AGBL4: variants seen among roughly 807,000 people sequenced by gnomAD.
The protein encoded by AGBL4 is AGBL carboxypeptidase 4, also known as cytosolic carboxypeptidase 6.
AGBL4 carries 58 observed loss-of-function variants against 66.4 expected under a neutral mutation model. That is an observed-to-expected ratio of 0.87 (90% CI 0.71 to 1.09). The LOEUF (loss-of-function observed/expected upper bound fraction) is 1.09. Ranked by LOEUF, AGBL4 falls within the 50% of genes least tolerant of loss-of-function variation. AGBL4 has a pLI of 0.00. For synonymous variants in AGBL4, 234 were observed against 222.9 expected, an observed-to-expected ratio of 1.05 and a Z score of -0.44; for missense variants, 579 against 631.0, an observed-to-expected ratio of 0.92 and a Z score of 0.88.
intron 5 of AGBL4, among the ~76,000 whole-genome samples, chr1:48,926,109 T>C (rs1654536229): frequency 6.6e-6 from 1 of 152,180 alleles, no homozygotes; most frequent in African/African-American, 2.4e-5. Flanking sequence ...AGGGAGGTTT[T>C]AATCCTGTCA....
intron 2 of AGBL4, chr1:49,845,715 G>A (rs2148050329): frequency 6.3e-7 from 1 of 1,592,992 alleles, no homozygotes; most frequent in African/African-American, 1.3e-5. Flanking sequence ...TCCTGACTGA[G>A]CATCAGAGGA....
intron 9 of AGBL4, among the ~76,000 whole-genome samples, chr1:48,603,805 TA>T (rs1645111903): frequency 6.6e-6 from 1 of 152,032 alleles, no homozygotes; most frequent in African/African-American, 2.4e-5. Flanking sequence ...GGTCCTCAAT[TA>T]AAGCAAGGGC....
At chr1:49,276,108 A>G (rs192608997) in intron 3 of AGBL4, among the ~76,000 whole-genome samples, 1 of 151,616 alleles carries the variant, frequency 6.6e-6, no homozygotes, top group East Asian at 1.9e-4. Flanking sequence ...TACATTATAT[A>G]TATACATATA....
chr1:49,548,969 A>G (rs748241555), intron 3 of AGBL4, among the ~76,000 whole-genome samples: 1 of 152,148 alleles, frequency 6.6e-6, no homozygotes, highest in Non-Finnish European at 1.5e-5. Flanking sequence ...TGGTCTGTTC[A>G]TGGTATCTCA....
chr1:49,192,630 G>T (rs992156520), intron 4 of AGBL4, among the ~76,000 whole-genome samples: 1 of 152,192 alleles, frequency 6.6e-6, no homozygotes, highest in African/African-American at 2.4e-5. Context: ...ATGTTGGCTT[G>T]TATGTCTTCT....
chr1:48,704,269 G>A (rs1011907859), intron 6 of AGBL4, among the ~76,000 whole-genome samples: 10 of 152,244 alleles, frequency 6.6e-5, no homozygotes, highest in African/African-American at 2.2e-4. Context: ...AGAGCTTGAA[G>A]AACTGGCGGT....
intron 2 of AGBL4, among the ~76,000 whole-genome samples, chr1:49,849,310 G>A (rs1214274996): frequency 1.3e-5 from 2 of 151,716 alleles, no homozygotes; most frequent in Non-Finnish European, 2.9e-5. Context: ...AGGCCCTCCA[G>A]GGTCATTGAC....
intron 3 of AGBL4, among the ~76,000 whole-genome samples, chr1:49,647,081 GA>G (rs1645904693): frequency 6.6e-6 from 1 of 151,602 alleles, no homozygotes. Context: ...AAAGACTTTA[GA>G]AAACACAGAA....
At chr1:49,918,860 C>G (rs940152328) in intron 1 of AGBL4, among the ~76,000 whole-genome samples, 1 of 152,178 alleles carries the variant, frequency 6.6e-6, no homozygotes, top group Admixed American at 6.5e-5. Flanking sequence ...CCAAATCCAG[C>G]AGCACCTCAA....
chr1:49,873,350 T>C (rs1209184844), intron 1 of AGBL4, among the ~76,000 whole-genome samples: 1 of 151,952 alleles, frequency 6.6e-6, no homozygotes, highest in African/African-American at 2.4e-5. Context: ...CAGAGACTCA[T>C]TTTCTTCCAA....
chr1:49,065,705 A>G (rs1644481011), intron 4 of AGBL4, among the ~76,000 whole-genome samples: 1 of 152,222 alleles, frequency 6.6e-6, no homozygotes, highest in African/African-American at 2.4e-5. Context: ...AAGAAAGTTG[A>G]TCTAGAAAAT....
At chr1:49,367,420 A>G (rs1644260397) in intron 3 of AGBL4, among the ~76,000 whole-genome samples, 1 of 152,172 alleles carries the variant, frequency 6.6e-6, no homozygotes, top group South Asian at 2.1e-4. Context: ...GCCATCTGCC[A>G]TAAGTGTAAG....
intron 4 of AGBL4, among the ~76,000 whole-genome samples, chr1:49,102,900 A>T (rs1425389568): frequency 6.6e-6 from 1 of 152,140 alleles, no homozygotes; most frequent in Non-Finnish European, 1.5e-5. Context: ...CACCACTAAG[A>T]TGCTGAAGGA....
At chr1:48,855,692 T>C (rs1370255597) in intron 6 of AGBL4, among the ~76,000 whole-genome samples, 1 of 152,082 alleles carries the variant, frequency 6.6e-6, no homozygotes, top group Non-Finnish European at 1.5e-5. Context: ...AATAAATTTA[T>C]GGTAGAGTTA....
intron 6 of AGBL4, among the ~76,000 whole-genome samples, chr1:48,708,303 G>C (rs1038036849): frequency 8.5e-5 from 13 of 152,216 alleles, no homozygotes; most frequent in Admixed American, 5.2e-4. Context: ...TGTGAGCAAT[G>C]AAGGAGAGCT....
At position 49,831,092 on chromosome 1, in the gene AGBL4, CT is replaced by C. The variant is rs898593669; in HGVS notation, c.157+20303del. 4.6e-5 allele frequency among the ~76,000 whole-genome samples: 7 copies of C among 151,934 alleles called. No homozygotes were observed. The East Asian group carries it at 7.7e-4, about 17-fold the overall frequency. On this transcript the variant is annotated intron_variant, in intron 2 of 13. Transcript: ENST00000371839. ...CTTGGGATTGTCTTGGCTATGCAGA[CT>C]TTTTTTTGGTTCCAAATGAAATTTA... is the stretch of plus-strand genomic sequence containing the variant.
intron 3 of AGBL4, among the ~76,000 whole-genome samples, chr1:49,602,419 A>G (rs985500340): frequency 1.3e-5 from 2 of 152,204 alleles, no homozygotes; most frequent in Admixed American, 1.3e-4. Context: ...ACTGTTCACA[A>G]TAGCAAAGAC....
At chr1:48,649,497 T>G (rs916180636) in intron 8 of AGBL4, among the ~76,000 whole-genome samples, 12 of 152,252 alleles carry the variant, frequency 7.9e-5, no homozygotes, top group African/African-American at 2.9e-4. Flanking sequence ...TGCTATAAAC[T>G]TTAGTATAGG....
At chr1:49,987,052 G>T (rs1659556302) in intron 1 of AGBL4, among the ~76,000 whole-genome samples, 2 of 151,852 alleles carry the variant, frequency 1.3e-5, no homozygotes, top group Admixed American at 6.6e-5. Flanking sequence ...TTCCCTGCTG[G>T]TAAAGGAAAT....
Sources: gnomAD v4.1 joint callset for allele counts (sites outside exome capture counted in the v4.1 genomes callset) on GRCh38, gnomAD v4.1.1 for gene constraint, MANE v1.5 for transcripts, NCBI Gene and HGNC (gene_info 2026-07-23, HGNC 2026-07-21) for gene names.